Variants in USH2A observed in about 807,000 individuals in gnomAD.
USH2A encodes usherin.
USH2A carries 443 observed loss-of-function variants against 538.9 expected under a neutral mutation model. That is an observed-to-expected ratio of 0.82 (90% confidence interval 0.76 to 0.89). The LOEUF (loss-of-function observed/expected upper bound fraction) is 0.89. Ranked by LOEUF, USH2A falls within the 40% of genes least tolerant of loss-of-function variation. The pLI is 0.00. For missense variants in USH2A, 6,633 were observed against 6,324.8 expected (o/e 1.05, Z -1.65); for synonymous variants, 2,413 against 2,273.5 (o/e 1.06, Z -1.75).
At chr1:215,703,911 G>C (rs960610357) in intron 61 of USH2A, among the ~76,000 whole-genome samples, 15 of 152,126 alleles carry the variant, frequency 9.9e-5, no homozygotes, top group Admixed American at 1.3e-4. Flanking sequence ...ACAGCTGCCT[G>C]GTTTTGTGCT....
intron 24 of USH2A, among the ~76,000 whole-genome samples, chr1:216,086,119 T>A (rs76792208): frequency 6.6e-6 from 1 of 152,068 alleles, no homozygotes; most frequent in East Asian, 1.9e-4. Context: ...TCCATTCATG[T>A]TCATTTTAAT....
chr1:216,363,582 T>C (rs2038536856), intron 4 of USH2A, among the ~76,000 whole-genome samples: 1 of 152,014 alleles, frequency 6.6e-6, no homozygotes, highest in African/African-American at 2.4e-5. Flanking sequence ...TATATATAAA[T>C]GGAAATGTAG....
chr1:216,389,720 T>C (rs1358137349), intron 3 of USH2A, among the ~76,000 whole-genome samples: 1 of 152,178 alleles, frequency 6.6e-6, no homozygotes, highest in Non-Finnish European at 1.5e-5. Flanking sequence ...TTTTCTTCAG[T>C]ACAAATACCA....
At chr1:216,370,677 C>CAAAAAAAAAAAT (rs1558058434) in intron 3 of USH2A, among the ~76,000 whole-genome samples, 1 of 29,990 alleles carries the variant, frequency 3.3e-5, no homozygotes, top group Non-Finnish European at 6.1e-5. Flanking sequence ...GACTCTGTCT[C>CAAAAAAAAAAAT]AAAAAAAAAA....
intron 37 of USH2A, among the ~76,000 whole-genome samples, chr1:215,960,726 T>A (rs767858649): frequency 1.3e-5 from 2 of 152,116 alleles, no homozygotes; most frequent in Non-Finnish European, 2.9e-5. Context: ...AAGTGTAGGT[T>A]GGTTGATCTG....
In USH2A at chr1:215,650,643, G is replaced by C; in HGVS notation, c.14292C>G (p.Ile4764Met). The C allele has an allele frequency of 6.2e-7, 1 of 1,614,126 alleles. No homozygotes were observed. Among genetic ancestry groups the C allele is most frequent in the East Asian group, 2.2e-5 (1 of 44,866 alleles). The change falls in exon 65 of 72, where the codon ATC becomes ATG. Residue 4764 changes from isoleucine (I) to methionine (M), a missense_variant. Transcript: ENST00000307340. ...NISAPGKPNGIVSLYRLFSSS... is the reference protein window; with the variant it reads ...NISAPGKPNGMVSLYRLFSSS... ...TGGAGAACAGCCTGTAGAGACTGAC[G>C]ATCCCGTTGGGCTTCCCAGGGGCAC...
intron 35 of USH2A, among the ~76,000 whole-genome samples, chr1:215,981,072 T>C (rs1667741441): frequency 2.0e-5 from 3 of 152,162 alleles, no homozygotes; most frequent in Admixed American, 2.0e-4. Context: ...GTTCTCATTG[T>C]TCTATATCCT....
At chr1:216,214,021 T>A (rs1258810089) in intron 15 of USH2A, among the ~76,000 whole-genome samples, 1 of 152,052 alleles carries the variant, frequency 6.6e-6, no homozygotes, top group Non-Finnish European at 1.5e-5. Flanking sequence ...ACTCACTGAA[T>A]GGCTATAATG....
At chr1:215,721,042 A>G (rs1330323683) in intron 61 of USH2A, among the ~76,000 whole-genome samples, 1 of 152,054 alleles carries the variant, frequency 6.6e-6, no homozygotes, top group Non-Finnish European at 1.5e-5. Flanking sequence ...TTAAGCACAT[A>G]TCAGGTTTTA....
At chr1:215,710,928 T>G (rs1320822267) in intron 61 of USH2A, among the ~76,000 whole-genome samples, 1 of 152,014 alleles carries the variant, frequency 6.6e-6, no homozygotes, top group Non-Finnish European at 1.5e-5. Flanking sequence ...CTGGCTCCAT[T>G]TCTTCTATCG....
chr1:216,055,208 G>T (rs1055914866), intron 30 of USH2A, among the ~76,000 whole-genome samples: 2 of 152,134 alleles, frequency 1.3e-5, no homozygotes, highest in Non-Finnish European at 2.9e-5. Context: ...CATCTCAAGA[G>T]AACTCATCAG....
chr1:216,417,260 A>T (rs1257973479), intron 3 of USH2A, among the ~76,000 whole-genome samples: 1 of 147,136 alleles, frequency 6.8e-6, no homozygotes, highest in African/African-American at 2.7e-5. Flanking sequence ...TATCTGCTTC[A>T]AGATTAAAAA....
intron 49 of USH2A, among the ~76,000 whole-genome samples, chr1:215,803,678 G>T (rs1662406298): frequency 6.6e-6 from 1 of 152,242 alleles, no homozygotes. Context: ...TGGGTAGGAA[G>T]AATCAATATC....
At chr1:216,403,251 A>G (rs2039338099) in intron 3 of USH2A, among the ~76,000 whole-genome samples, 1 of 152,142 alleles carries the variant, frequency 6.6e-6, no homozygotes. Context: ...ACTCCAAGAA[A>G]TTAGGAATAG....
At chr1:216,405,216 A>T (rs1487786916) in intron 3 of USH2A, among the ~76,000 whole-genome samples, 1 of 152,212 alleles carries the variant, frequency 6.6e-6, no homozygotes, top group African/African-American at 2.4e-5. Context: ...AAAAATACTC[A>T]GGATTTAGGG....
rs1297692903 is a variant in USH2A, at chr1:215,910,149, T to C, written c.7301-9244A>G. On this transcript the variant is annotated intron_variant, in intron 38 of 71. Coordinates refer to ENST00000307340, the MANE Select transcript of USH2A (RefSeq NM_206933.4). ...ATGCTTGTTCATGAATCTTTTCCAA[T>C]GAAAACTTTTTTACCTTTGATAAGC... Among the ~76,000 whole-genome samples the C allele has an allele frequency of 2.6e-5, 4 of 152,048 alleles. No homozygotes were observed. In the South Asian group the frequency reaches 6.2e-4, roughly 24 times the overall value.
chr1:215,999,900 G>A (rs1174863327), intron 33 of USH2A, among the ~76,000 whole-genome samples: 2 of 152,080 alleles, frequency 1.3e-5, no homozygotes, highest in Admixed American at 6.6e-5. Context: ...CTCTTGATAA[G>A]AGAGACCTAT....
intron 34 of USH2A, 99 bp downstream of exon 34, chr1:215,998,788 T>A: frequency 7.3e-6 from 9 of 1,228,414 alleles, no homozygotes; most frequent in South Asian, 1.4e-5. Context: ...GATTTTGACT[T>A]TTTTTTTTTT....
At chr1:216,268,566 A>G (rs1253353609) in intron 11 of USH2A, among the ~76,000 whole-genome samples, 1 of 152,126 alleles carries the variant, frequency 6.6e-6, no homozygotes, top group African/African-American at 2.4e-5. Context: ...CAAACCTTCT[A>G]AAGTATTTGA....
Sources: allele counts gnomAD v4.1 joint callset (sites outside exome capture counted in the v4.1 genomes callset), GRCh38; gene constraint gnomAD v4.1.1; transcripts MANE v1.5; gene names NCBI Gene and HGNC (gene_info 2026-07-23, HGNC 2026-07-21).